The following DSCAML1 variants were observed in gnomAD, a reference collection of about 807,000 sequenced individuals.
The protein encoded by DSCAML1 is cell adhesion molecule DSCAML1.
DSCAML1 carries 38 observed loss-of-function variants against 200.5 expected under a neutral mutation model. That is an observed-to-expected ratio of 0.19 (90% confidence interval 0.15 to 0.25). The LOEUF (loss-of-function observed/expected upper bound fraction) is 0.25. Among genes scored for constraint, DSCAML1 ranks in the 10% least tolerant of loss-of-function variants. The pLI, the probability that DSCAML1 is intolerant of heterozygous loss-of-function variation, is 1.00. For synonymous variants in DSCAML1, 1,215 were observed against 1,165.0 expected (o/e 1.04, Z -0.87); for missense variants, 2,223 against 2,858.8 (o/e 0.78, Z 5.07).
At position 117,589,502 on chromosome 11, in the gene DSCAML1, G is replaced by T. The variant is rs2051216740; in HGVS notation, c.512-56980C>A. Among the ~76,000 whole-genome samples the T allele has an allele frequency of 3.9e-5, 6 of 152,252 alleles. No individual in the cohort carries two copies. The South Asian group carries it at 1.2e-3, about 32-fold the overall frequency. ...GAAATGGTTCTTAGACACGGCAAAT[G>T]GTTCTTGTAAAGGAAATGATGCAGG... On this transcript the variant is annotated intron_variant, in intron 3 of 32. Transcript: ENST00000651296.
At chr11:117,627,180 G>A (rs2052064454) in intron 3 of DSCAML1, among the ~76,000 whole-genome samples, 1 of 152,182 alleles carries the variant, frequency 6.6e-6, no homozygotes, top group Non-Finnish European at 1.5e-5. Flanking sequence ...TTGCGGATGT[G>A]ACCGTGCTTA....
intron 3 of DSCAML1, among the ~76,000 whole-genome samples, chr11:117,714,923 A>G (rs2053923339): frequency 6.6e-6 from 1 of 151,634 alleles, no homozygotes; most frequent in Non-Finnish European, 1.5e-5. Context: ...CAGCCGTCCA[A>G]GTGTCCTTCT....
intron 3 of DSCAML1, among the ~76,000 whole-genome samples, chr11:117,696,060 T>C (rs1179508723): frequency 4.6e-5 from 7 of 152,144 alleles, no homozygotes; most frequent in African/African-American, 1.7e-4. Context: ...AAAGAATTAT[T>C]AGAAGATTTA....
In DSCAML1 at chr11:117,624,595, C is replaced by T. The variant is rs531420232; in HGVS notation, c.512-92073G>A. On this transcript the variant is annotated intron_variant, in intron 3 of 32. Coordinates refer to ENST00000651296, the MANE Select transcript of DSCAML1 (RefSeq NM_020693.4). ...TATGATAGGCACTCACATGCGCACT[C>T]GTGGCCCCAGATGAGAGCCTGGAAG... Among the ~76,000 whole-genome samples the T allele has an allele frequency of 7.2e-5, 11 of 152,172 alleles. 1 individual carries two copies. Among genetic ancestry groups the T allele is most frequent in the African/African-American group, 2.2e-4 (9 of 41,522 alleles).
At position 117,780,231 on chromosome 11, in the gene DSCAML1, G is replaced by GAAAGAAAA. The variant is rs1555032678; in HGVS notation, c.364+261_364+262insTTTTCTTT. Among the ~76,000 whole-genome samples, 1 of 60,648 alleles carries GAAAGAAAA rather than the reference G, an allele frequency of 1.6e-5. No homozygotes were observed. Among genetic ancestry groups the GAAAGAAAA allele is most frequent in the African/African-American group, 6.6e-5 (1 of 15,248 alleles). The allele number at this position is 60,648 out of a possible 152,430, so 39.8% of individuals were successfully genotyped here. A position where few individuals can be genotyped will look rare whatever the true frequency, so the allele number is the denominator to read the frequency against. On this transcript the variant is annotated intron_variant, in intron 2 of 32. Coordinates refer to ENST00000651296, the MANE Select transcript of DSCAML1 (RefSeq NM_020693.4). The surrounding 1 kb of genome is among the most constrained non-coding windows in gnomAD (Gnocchi z 4.8). ...AAAGAGAGAGAGAGAAAGAAAGAAA[G>GAAAGAAAA]GAAAGAAAGAAAGAAAGAAAGAAAG...
intron 3 of DSCAML1, among the ~76,000 whole-genome samples, chr11:117,574,108 G>A (rs557565172): frequency 2.9e-3 from 445 of 152,264 alleles, no homozygotes; most frequent in African/African-American, 0.01. Context: ...CTTCCACCTC[G>A]ACTCCTGGGC....
chr11:117,526,810 C>T (rs1406129360), intron 4 of DSCAML1, among the ~76,000 whole-genome samples: 2 of 152,166 alleles, frequency 1.3e-5, no homozygotes, highest in African/African-American at 4.8e-5. Flanking sequence ...GCCACCGTGC[C>T]CAGCTCAGAA....
intron 7 of DSCAML1, among the ~76,000 whole-genome samples, chr11:117,517,249 G>C (rs763921847): frequency 6.6e-6 from 1 of 152,172 alleles, no homozygotes; most frequent in African/African-American, 2.4e-5. Context: ...GATGACTTTC[G>C]TTCAACAAGT....
intron 3 of DSCAML1, among the ~76,000 whole-genome samples, chr11:117,618,371 C>T: frequency 6.6e-6 from 1 of 152,172 alleles, no homozygotes; most frequent in East Asian, 1.9e-4. Flanking sequence ...AAATTTATTT[C>T]CCTGGAACTT....
intron 1 of DSCAML1, among the ~76,000 whole-genome samples, chr11:117,789,236 A>T (rs979479301): frequency 6.6e-6 from 1 of 152,204 alleles, no homozygotes; most frequent in African/African-American, 2.4e-5. Flanking sequence ...GCCCTGTGCC[A>T]TCAGCTCCAG....
chr11:117,464,385 C>T (rs2048538262), intron 17 of DSCAML1, among the ~76,000 whole-genome samples: 1 of 152,150 alleles, frequency 6.6e-6, no homozygotes, highest in Admixed American at 6.5e-5. Flanking sequence ...TTCCTCCTAA[C>T]CCTCTCCTCC....
rs2049455005 is a variant in DSCAML1, at chr11:117,504,518, G to C, written c.2182+406C>G. 6.6e-6 allele frequency among the ~76,000 whole-genome samples: 1 copy of C among 152,132 alleles called. No individual in the cohort carries two copies. Among genetic ancestry groups the C allele is most frequent in the African/African-American group, 2.4e-5 (1 of 41,430 alleles). ...GATTGGGCCTCAGTCAGAAAGCAAA[G>C]GCATCCCTGGGATGAAATTGGGCTC... is the stretch of plus-strand genomic sequence containing the variant. On this transcript the variant is annotated intron_variant, in intron 10 of 32. Transcript: ENST00000651296. The surrounding 1 kb of genome is among the most constrained non-coding windows in gnomAD (Gnocchi z 5.0).
chr11:117,720,022 C>A (rs2054016336), intron 3 of DSCAML1, among the ~76,000 whole-genome samples: 1 of 152,176 alleles, frequency 6.6e-6, no homozygotes, highest in African/African-American at 2.4e-5. Context: ...AAAGCCCCAG[C>A]CAGCTGCCCT....
upstream of DSCAML1, chr11:117,801,477 T>C (rs2055657433): frequency 6.6e-6 from 1 of 152,164 alleles, no homozygotes; most frequent in African/African-American, 2.4e-5. Context: ...GCACAAAAAA[T>C]TACACAAAAT....
intron 4 of DSCAML1, 37 bp from the exon 5 acceptor site, chr11:117,525,120 C>T: frequency 6.7e-7 from 1 of 1,491,914 alleles, no homozygotes; most frequent in South Asian, 1.3e-5. Context: ...CTGGCCAGCC[C>T]TGGGTGGGAT....
At chr11:117,485,947 G>C (rs555310990) in intron 11 of DSCAML1, among the ~76,000 whole-genome samples, 1 of 152,202 alleles carries the variant, frequency 6.6e-6, no homozygotes, top group South Asian at 2.1e-4. Context: ...GTCAGCCAGC[G>C]CTGGCCGGTC....
Position 117,498,723 on chromosome 11 carries a change from C to T in DSCAML1, c.2359+5122G>A, listed in dbSNP as rs552294517. Among the ~76,000 whole-genome samples, 97 of 152,210 alleles carry T rather than the reference C, an allele frequency of 6.4e-4. No individual in the cohort carries two copies. The highest frequency in any genetic ancestry group is 1.2e-3 in the Non-Finnish European group (80 of 68,024). ...CTTCCTTTGCTAGGCCCGCCCCCTC[C>T]ATTTCTCAAGTCCCCACGAGAGTTT... is the stretch of plus-strand genomic sequence containing the variant. On this transcript the variant is annotated intron_variant, in intron 11 of 32. Coordinates refer to ENST00000651296, the MANE Select transcript of DSCAML1 (RefSeq NM_020693.4). The surrounding 1 kb of genome is among the most constrained non-coding windows in gnomAD (Gnocchi z 4.0).
intron 11 of DSCAML1, among the ~76,000 whole-genome samples, chr11:117,495,709 C>T (rs766691132): frequency 3.9e-4 from 60 of 152,096 alleles, no homozygotes; most frequent in Non-Finnish European, 7.8e-4. Context: ...AACATGCCAC[C>T]CCTCCGTTCC....
At chr11:117,674,480 T>G (rs2053171196) in intron 3 of DSCAML1, among the ~76,000 whole-genome samples, 1 of 152,078 alleles carries the variant, frequency 6.6e-6, no homozygotes, top group African/African-American at 2.4e-5. Flanking sequence ...GATGGGGTCA[T>G]CCCAAATGGC....
Sources: allele counts gnomAD v4.1 joint callset (sites outside exome capture counted in the v4.1 genomes callset), GRCh38; gene constraint gnomAD v4.1.1; non-coding constraint Gnocchi (gnomAD v3.1); transcripts MANE v1.5; gene names NCBI Gene and HGNC (gene_info 2026-07-23, HGNC 2026-07-21).